Variants in CCDC178 observed in about 807,000 individuals in gnomAD.
CCDC178 encodes coiled-coil domain containing 178, also known as coiled-coil domain-containing protein 178.
Under a neutral mutation model 117.4 loss-of-function variants are expected in CCDC178, and 126 were observed. The observed-to-expected ratio is 1.07, with a 90% CI of 0.93 to 1.24. The LOEUF is 1.24. Among genes scored for constraint, CCDC178 ranks in the 50% most tolerant of loss-of-function variants. CCDC178 has a pLI of 0.00. For missense variants in CCDC178, 1,030 were observed against 986.9 expected (o/e 1.04, Z -0.59); for synonymous variants, 283 against 313.4 (o/e 0.90, Z 1.02).
intron 2 of CCDC178, among the ~76,000 whole-genome samples, chr18:33,438,089 G>T (rs960713183): frequency 6.6e-6 from 1 of 152,144 alleles, no homozygotes; most frequent in Non-Finnish European, 1.5e-5. Context: ...CCACACATCT[G>T]CATCAACCAG....
At position 33,230,686 on chromosome 18, in the gene CCDC178, A is replaced by G. The variant is rs546324464; in HGVS notation, c.1594-3831T>C. Among the ~76,000 whole-genome samples, 4 of 152,308 alleles carry G rather than the reference A, an allele frequency of 2.6e-5. No homozygotes were observed. In the East Asian group the frequency reaches 7.7e-4, roughly 29 times the overall value. ...TACAACGTCACAATCACATTTATAT[A>G]TAGCATCTTTAAGATGGATGATACA... is the stretch of plus-strand genomic sequence containing the variant. On this transcript the variant is annotated intron_variant, in intron 15 of 22. Transcript: ENST00000383096.
chr18:33,142,484 A>T (rs988472635), intron 20 of CCDC178, among the ~76,000 whole-genome samples: 2 of 152,210 alleles, frequency 1.3e-5, no homozygotes, highest in African/African-American at 4.8e-5. Flanking sequence ...GGATGACTAG[A>T]AAAGGAGTAA....
chr18:33,065,190 G>T (rs1231418812), intron 21 of CCDC178, among the ~76,000 whole-genome samples: 1 of 152,158 alleles, frequency 6.6e-6, no homozygotes, highest in East Asian at 1.9e-4. Flanking sequence ...CTATTGCACA[G>T]TAGGGTGACA....
chr18:33,062,150 A>G (rs117509180), intron 21 of CCDC178, among the ~76,000 whole-genome samples: 1,900 of 152,290 alleles, frequency 0.012, 19 homozygotes, highest in Non-Finnish European at 0.022. Context: ...TGTGGACACT[A>G]TCTATATCTT....
intron 21 of CCDC178, among the ~76,000 whole-genome samples, chr18:33,085,222 T>C (rs2057361819): frequency 6.6e-6 from 1 of 152,214 alleles, no homozygotes; most frequent in African/African-American, 2.4e-5. Context: ...ATCTTCTATA[T>C]GCAAAATATA....
intron 12 of CCDC178, among the ~76,000 whole-genome samples, chr18:33,292,316 C>T (rs2060176389): frequency 6.6e-6 from 1 of 152,062 alleles, no homozygotes; most frequent in Non-Finnish European, 1.5e-5. Flanking sequence ...TGAAATAAGC[C>T]TAGCACAGAA....
chr18:33,362,795 A>G (rs1016890704), intron 6 of CCDC178, among the ~76,000 whole-genome samples: 2 of 151,990 alleles, frequency 1.3e-5, no homozygotes, highest in African/African-American at 4.8e-5. Flanking sequence ...CTTAATGGAT[A>G]TGGGGTTTTA....
At chr18:33,400,965 G>A (rs2063702312) in intron 3 of CCDC178, among the ~76,000 whole-genome samples, 1 of 152,100 alleles carries the variant, frequency 6.6e-6, no homozygotes, top group Non-Finnish European at 1.5e-5. Flanking sequence ...GGCATTGTAA[G>A]GTTATTAATG....
chr18:33,113,553 T>C (rs1043593445), intron 20 of CCDC178, among the ~76,000 whole-genome samples: 7 of 151,950 alleles, frequency 4.6e-5, no homozygotes, highest in Admixed American at 2.0e-4. Flanking sequence ...TCATCACTAA[T>C]TAAAATAGCA....
chr18:33,423,379 CATA>C (rs2064059972), intron 2 of CCDC178, among the ~76,000 whole-genome samples: 1 of 152,136 alleles, frequency 6.6e-6, no homozygotes, highest in Admixed American at 6.5e-5. Flanking sequence ...AAAAATTCGA[CATA>C]ATATTTTCCT....
intron 21 of CCDC178, among the ~76,000 whole-genome samples, chr18:32,985,407 A>C (rs1487315137): frequency 2.6e-5 from 4 of 151,934 alleles, no homozygotes; most frequent in Non-Finnish European, 4.4e-5. Context: ...AGAATGCAAA[A>C]CTCTGACCCT....
chr18:33,226,762 G>A (rs764289278), intron 16 of CCDC178, 31 bp downstream of exon 16: 3 of 1,435,440 alleles, frequency 2.1e-6, no homozygotes, highest in Non-Finnish European at 2.9e-6. Context: ...ATTAAAGGAA[G>A]AATAAAATAT....
At position 32,985,620 on chromosome 18, in the gene CCDC178, C is replaced by T. The variant is rs539032242; in HGVS notation, c.2389-10939G>A. Among the ~76,000 whole-genome samples, 608 of 151,986 alleles carry T rather than the reference C, an allele frequency of 4.0e-3. 2 individuals are homozygous for T. The highest frequency in any genetic ancestry group is 6.9e-3 in the Non-Finnish European group (471 of 67,846). On this transcript the variant is annotated intron_variant, in intron 21 of 22. Coordinates refer to ENST00000383096, the MANE Select transcript of CCDC178 (RefSeq NM_001105528.4). ...CGAATATATTTATAATAAAACAATGCTTTTTCTACATTAGTTACTAATACC... is the reference window on the plus strand; with the variant it reads ...CGAATATATTTATAATAAAACAATGTTTTTTCTACATTAGTTACTAATACC...
At chr18:33,021,108 T>C (rs981167641) in intron 21 of CCDC178, among the ~76,000 whole-genome samples, 4 of 152,162 alleles carry the variant, frequency 2.6e-5, no homozygotes, top group African/African-American at 9.7e-5. Flanking sequence ...TTACATACAC[T>C]CAATTCATAG....
At chr18:33,150,309 T>C (rs763391390) in intron 20 of CCDC178, among the ~76,000 whole-genome samples, 34 of 152,154 alleles carry the variant, frequency 2.2e-4, no homozygotes, top group Non-Finnish European at 5.0e-4. Flanking sequence ...GAAAAAACTC[T>C]TCCAGGCATT....
intron 21 of CCDC178, among the ~76,000 whole-genome samples, chr18:33,069,833 A>C (rs1021615777): frequency 6.6e-6 from 1 of 152,112 alleles, no homozygotes; most frequent in African/African-American, 2.4e-5. Context: ...AACAGCAAAG[A>C]AACAAATAAT....
chr18:32,943,459 C>T (rs2054282890), intron 22 of CCDC178, among the ~76,000 whole-genome samples: 1 of 151,622 alleles, frequency 6.6e-6, no homozygotes, highest in African/African-American at 2.4e-5. Context: ...CTTTTTTTTC[C>T]TAGAATTCAA....
intron 11 of CCDC178, among the ~76,000 whole-genome samples, chr18:33,311,409 G>T (rs1599142607): frequency 1.1e-5 from 1 of 88,762 alleles, no homozygotes; most frequent in African/African-American, 3.7e-5. Context: ...AAAAAAGACA[G>T]AGAGGCCACA....
At chr18:33,279,031 T>C (rs567152915) in intron 12 of CCDC178, among the ~76,000 whole-genome samples, 1 of 152,222 alleles carries the variant, frequency 6.6e-6, no homozygotes, top group South Asian at 2.1e-4. Flanking sequence ...AGCATTCCCT[T>C]TGAAAACTGG....
Sources: allele counts gnomAD v4.1 joint callset (sites outside exome capture counted in the v4.1 genomes callset), GRCh38; gene constraint gnomAD v4.1.1; transcripts MANE v1.5; gene names NCBI Gene and HGNC (gene_info 2026-07-23, HGNC 2026-07-21).